RPS6KC1: variants seen among roughly 807,000 people sequenced by gnomAD.
RPS6KC1 encodes ribosomal protein S6 kinase C1, also known as inactive ribosomal protein S6 kinase delta-1.
A neutral mutation model predicts 103.8 loss-of-function variants in RPS6KC1; 54 were observed. The observed-to-expected ratio is 0.52, with a 90% CI of 0.42 to 0.65. RPS6KC1 has a LOEUF of 0.65. Among genes scored for constraint, RPS6KC1 ranks in the 30% least tolerant of loss-of-function variants. RPS6KC1 has a pLI of 0.00. For synonymous variants in RPS6KC1, 439 were observed against 438.7 expected (o/e 1.00, Z -0.01); for missense variants, 1,151 against 1,253.8 (o/e 0.92, Z 1.24).
the RPS6KC1 span, among the ~76,000 whole-genome samples, chr1:213,562,708 G>C: frequency 6.6e-6 from 1 of 151,972 alleles, no homozygotes; most frequent in South Asian, 2.1e-4. Flanking sequence ...CTGTCACCCT[G>C]GCTCAGGTGC....
chr1:213,758,367 CAG>C, the RPS6KC1 span, among the ~76,000 whole-genome samples: 1 of 152,108 alleles, frequency 6.6e-6, no homozygotes, highest in African/African-American at 2.4e-5. Context: ...CACCTGAGGT[CAG>C]GAGTTCGAGA....
the RPS6KC1 span, among the ~76,000 whole-genome samples, chr1:213,847,278 A>C: frequency 6.6e-6 from 1 of 152,184 alleles, no homozygotes; most frequent in East Asian, 1.9e-4. Context: ...AATATAAAGG[A>C]AAGGGTCCTT....
chr1:213,496,828 T>A, the RPS6KC1 span, among the ~76,000 whole-genome samples: 3,952 of 152,300 alleles, frequency 0.026, 180 homozygotes, highest in African/African-American at 0.091. Context: ...CAGTTAGTTG[T>A]ATCCATCTTG....
chr1:213,436,749 G>T, the RPS6KC1 span, among the ~76,000 whole-genome samples: 1 of 151,954 alleles, frequency 6.6e-6, no homozygotes, highest in African/African-American at 2.4e-5. Flanking sequence ...TTACTCCTAG[G>T]TATTTGAAAT....
chr1:213,059,412 T>A (rs1232204318), intron 1 of RPS6KC1, among the ~76,000 whole-genome samples: 1 of 152,226 alleles, frequency 6.6e-6, no homozygotes, highest in South Asian at 2.1e-4. Flanking sequence ...GTAGACTTCC[T>A]TGCCTTGTTC....
chr1:213,625,426 G>C, the RPS6KC1 span, among the ~76,000 whole-genome samples: 4 of 92,154 alleles, frequency 4.3e-5, no homozygotes, highest in Non-Finnish European at 6.5e-5. Context: ...AATATGTCTT[G>C]GGGCTCTTTT....
At chr1:213,058,409 T>A (rs1171363202) in intron 1 of RPS6KC1, among the ~76,000 whole-genome samples, 1 of 152,236 alleles carries the variant, frequency 6.6e-6, no homozygotes, top group African/African-American at 2.4e-5. Flanking sequence ...GCATTTTATA[T>A]TTTGCTCTAT....
the RPS6KC1 span, among the ~76,000 whole-genome samples, chr1:213,796,206 G>T: frequency 6.6e-6 from 1 of 152,236 alleles, no homozygotes; most frequent in Admixed American, 6.5e-5. Context: ...TTCCCTTCTT[G>T]TTTCATGTTA....
chr1:213,816,054 G>A, the RPS6KC1 span, among the ~76,000 whole-genome samples: 1 of 152,210 alleles, frequency 6.6e-6, no homozygotes, highest in Non-Finnish European at 1.5e-5. Context: ...GGTTGGTGGA[G>A]CAGTCAGAAC....
intron 3 of RPS6KC1, among the ~76,000 whole-genome samples, chr1:213,081,693 C>T (rs1274059380): frequency 6.7e-6 from 1 of 150,340 alleles, no homozygotes; most frequent in Non-Finnish European, 1.5e-5. Flanking sequence ...ATAACTTGCC[C>T]TGAGGGATAC....
chr1:213,287,253 TGTGTG>T, the RPS6KC1 span, among the ~76,000 whole-genome samples: 3 of 150,736 alleles, frequency 2.0e-5, no homozygotes, highest in African/African-American at 7.4e-5. Flanking sequence ...TGTGTGTGTG[TGTGTG>T]TGTGTGTGTG....
chr1:213,607,125 G>A, the RPS6KC1 span, among the ~76,000 whole-genome samples: 1 of 152,112 alleles, frequency 6.6e-6, no homozygotes, highest in Non-Finnish European at 1.5e-5. Flanking sequence ...AATGAGGCAT[G>A]CTCTCCCCTG....
the RPS6KC1 span, among the ~76,000 whole-genome samples, chr1:213,291,985 A>G: frequency 6.6e-6 from 1 of 151,966 alleles, no homozygotes; most frequent in South Asian, 2.1e-4. Context: ...TTTTTCCAGC[A>G]CCATTTATTA....
chr1:213,817,070 A>C, the RPS6KC1 span, among the ~76,000 whole-genome samples: 1 of 152,182 alleles, frequency 6.6e-6, no homozygotes, highest in Non-Finnish European at 1.5e-5. Flanking sequence ...ATCCTAGCCT[A>C]ATGGCACTGG....
intron 6 of RPS6KC1, among the ~76,000 whole-genome samples, chr1:213,154,729 C>T (rs1332250591): frequency 6.6e-6 from 1 of 152,174 alleles, no homozygotes; most frequent in Non-Finnish European, 1.5e-5. Context: ...CTTAAGTGCC[C>T]GCTTGGTGCT....
intron 8 of RPS6KC1, among the ~76,000 whole-genome samples, chr1:213,188,191 C>T (rs181263981): frequency 9.9e-5 from 15 of 152,134 alleles, no homozygotes; most frequent in South Asian, 4.1e-4. Context: ...TAGGCAGTCA[C>T]GATGCTTCCC....
At chr1:213,133,589 A>G (rs1012533869) in intron 6 of RPS6KC1, among the ~76,000 whole-genome samples, 1 of 152,178 alleles carries the variant, frequency 6.6e-6, no homozygotes, top group African/African-American at 2.4e-5. Flanking sequence ...GATGGCGAGC[A>G]TTGTTAGTAA....
chr1:213,367,008 G>T, the RPS6KC1 span, among the ~76,000 whole-genome samples: 1 of 152,154 alleles, frequency 6.6e-6, no homozygotes, highest in Non-Finnish European at 1.5e-5. Context: ...TCCTCACCAG[G>T]CTAAACATCA....
intron 6 of RPS6KC1, among the ~76,000 whole-genome samples, chr1:213,165,659 G>A (rs1439903802): frequency 3.3e-5 from 5 of 151,910 alleles, no homozygotes; most frequent in African/African-American, 9.7e-5. Context: ...TCCTGACCTC[G>A]TGATCTGCCC....
Sources: allele counts gnomAD v4.1 joint callset (sites outside exome capture counted in the v4.1 genomes callset), GRCh38; gene constraint gnomAD v4.1.1; transcripts MANE v1.5; gene names NCBI Gene and HGNC (gene_info 2026-07-23, HGNC 2026-07-21).